Variants in CPNE1 observed in about 807,000 individuals in gnomAD.
The protein encoded by CPNE1 is copine-1.
CPNE1 carries 58 observed loss-of-function variants against 63.2 expected under a neutral mutation model. That is an observed-to-expected ratio of 0.92 (90% CI 0.74 to 1.14). CPNE1 has a LOEUF of 1.14. Ranked by LOEUF, CPNE1 falls within the 50% of genes most tolerant of loss-of-function variation. CPNE1 has a pLI of 0.00. For synonymous variants in CPNE1, 237 were observed against 249.0 expected (o/e 0.95, Z 0.45); for missense variants, 672 against 661.7 (o/e 1.02, Z -0.17).
In CPNE1 at chr20:35,631,001, G is replaced by A. The variant is rs758874748; in HGVS notation, c.895C>T (p.Pro299Ser). ...TAGTGTAGGGAGTCAGGTGAGGAGGGGTCTCCATTGGAGCCAGTGAAGTCC... is the reference window on the plus strand; with the variant it reads ...TAGTGTAGGGAGTCAGGTGAGGAGGAGTCTCCATTGGAGCCAGTGAAGTCC... ...GVDFTGSNGD[P>S]SSPDSLHYLS... is the part of the protein sequence containing the mutation. Residue 299 changes from proline to serine, a missense_variant, in exon 11 of 16, where the codon CCC becomes TCC. Physicochemically the swap from Pro to Ser is moderately conservative, Grantham distance 74 (BLOSUM62 -1). Transcript: ENST00000397443. 6 of 1,613,736 alleles carry A rather than the reference G, an allele frequency of 3.7e-6. No individual in the cohort carries two copies. The highest frequency in any genetic ancestry group is 5.1e-6 in the Non-Finnish European group (6 of 1,179,954).
At chr20:35,662,458 C>T (rs2034284417) in intron 1 of CPNE1, among the ~76,000 whole-genome samples, 1 of 152,126 alleles carries the variant, frequency 6.6e-6, no homozygotes, top group Non-Finnish European at 1.5e-5. Flanking sequence ...TAGTTGAAAA[C>T]ATTTAACAAT....
At chr20:35,626,964 G>GA in intron 14 of CPNE1, 161 bp from the exon 15 acceptor site, 1 of 679,206 alleles carries the variant, frequency 1.5e-6, no homozygotes, top group Non-Finnish European at 2.6e-6. Context: ...AAGGCAGGCG[G>GA]ATCACTTGAG....
rs1157959998 is a variant in CPNE1, at chr20:35,632,906, G to C, written c.18C>G (p.Thr6=). 1.1e-6 allele frequency: 1 copy of C among 872,596 alleles called. No homozygotes were observed. Among genetic ancestry groups the C allele is most frequent in the Non-Finnish European group, 2.0e-6 (1 of 501,516 alleles). 54.1% of individuals were successfully genotyped at this position (872,596 alleles called of 1,614,324 possible). ...CACAGGAAATGGACAGCTGAACCAA[G>C]GTCACGCAGTGGGCCATCTGAGGGA... is the stretch of plus-strand genomic sequence containing the variant. MAHCV[T]LVQLSISCDH... Residue 6 remains threonine (T), a synonymous_variant, in exon 2 of 16, where the codon ACC becomes ACG. Transcript: ENST00000397443.
At chr20:35,654,816 T>C in intron 1 of CPNE1, 1 of 1,614,228 alleles carries the variant, frequency 6.2e-7, no homozygotes. Flanking sequence ...AGCTAAACGT[T>C]GGGCTCCCAA....
intron 1 of CPNE1, chr20:35,655,138 C>A: frequency 6.2e-7 from 1 of 1,614,160 alleles, no homozygotes; most frequent in Non-Finnish European, 8.5e-7. Flanking sequence ...TTTAATTGTA[C>A]CACCTGTGCG....
At chr20:35,642,416 CCT>C (rs1299289811) in intron 1 of CPNE1, among the ~76,000 whole-genome samples, 5 of 152,324 alleles carry the variant, frequency 3.3e-5, no homozygotes, top group Admixed American at 6.5e-5. Flanking sequence ...TGCTCACACT[CCT>C]ATTGCCTACC....
chr20:35,630,680 A>G, intron 12 of CPNE1, 61 bp downstream of exon 12: 2 of 1,585,640 alleles, frequency 1.3e-6, no homozygotes, highest in Non-Finnish European at 1.7e-6. Context: ...AATTTACCAC[A>G]TCCCCCAAAA....
At chr20:35,630,871 C>G in intron 11 of CPNE1, 30 bp downstream of exon 11, 7 of 1,601,578 alleles carry the variant, frequency 4.4e-6, no homozygotes, top group Non-Finnish European at 6.0e-6. Flanking sequence ...CTGCAGGGAG[C>G]GGGTATAGCC....
intron 1 of CPNE1, among the ~76,000 whole-genome samples, chr20:35,662,191 T>C (rs188861582): frequency 1.7e-3 from 259 of 152,326 alleles, no homozygotes; most frequent in African/African-American, 6.0e-3. Context: ...CAGAAGACAT[T>C]TCTAAATAAG....
At chr20:35,644,566 A>G (rs116921952) in intron 1 of CPNE1, among the ~76,000 whole-genome samples, 35 of 152,314 alleles carry the variant, frequency 2.3e-4, no homozygotes, top group Admixed American at 5.2e-4. Flanking sequence ...CCATACTGTA[A>G]AAGAAACACT....
chr20:35,646,286 A>G (rs1302115527), intron 1 of CPNE1, among the ~76,000 whole-genome samples: 1 of 151,272 alleles, frequency 6.6e-6, no homozygotes, highest in African/African-American at 2.4e-5. Context: ...AAAGAAACAA[A>G]AAAACTATTT....
At chr20:35,632,752 C>T (rs538111952) in intron 2 of CPNE1, 43 bp downstream of exon 2, 1 of 872,996 alleles carries the variant, frequency 1.1e-6, no homozygotes, top group South Asian at 1.3e-5. Flanking sequence ...AAAACACAAT[C>T]CTAGCCTCCC....
At chr20:35,629,879 A>G (rs1440859381) in intron 13 of CPNE1, among the ~76,000 whole-genome samples, 4 of 152,050 alleles carry the variant, frequency 2.6e-5, no homozygotes, top group Non-Finnish European at 5.9e-5. Flanking sequence ...AGCTAGTCTC[A>G]AATTCCTGGG....
At chr20:35,627,011 A>G (rs1199945551) in intron 14 of CPNE1, among the ~76,000 whole-genome samples, 4 of 151,862 alleles carry the variant, frequency 2.6e-5, no homozygotes, top group African/African-American at 7.3e-5. Context: ...AACATGGTGA[A>G]AGCCCGTCTC....
Position 35,630,811 on chromosome 20 carries a change from G to A in CPNE1, c.996-16C>T, listed in dbSNP as rs1027445284. 2 of 1,611,886 alleles carry A rather than the reference G, an allele frequency of 1.2e-6. No individual in the cohort carries two copies. The highest frequency in any genetic ancestry group is 1.7e-6 in the Non-Finnish European group (2 of 1,179,088). On this transcript the variant is annotated splice_polypyrimidine_tract_variant and intron_variant, in intron 11 of 15. Coordinates refer to ENST00000397443, the MANE Select transcript of CPNE1 (RefSeq NM_152925.3). ...CAGCTTGTCTCTGTGGGAGGACAGT[G>A]TATTGGGCAAAAGGCAGTGAGGGGA...
chr20:35,629,004 A>G (rs930017383), intron 13 of CPNE1, among the ~76,000 whole-genome samples: 5 of 152,238 alleles, frequency 3.3e-5, no homozygotes, highest in African/African-American at 1.2e-4. Context: ...ATGTGTGTAC[A>G]TACATAAACA....
intron 1 of CPNE1, among the ~76,000 whole-genome samples, chr20:35,660,551 C>A (rs2034177798): frequency 6.6e-6 from 1 of 152,118 alleles, no homozygotes; most frequent in South Asian, 2.1e-4. Context: ...TTTAAAAATT[C>A]TTCATTTGAA....
Position 35,632,312 on chromosome 20 carries a change from G to GT in CPNE1, c.382dup (p.Thr128AsnfsTer24). On this transcript the variant is annotated frameshift_variant and splice_region_variant, in exon 4 of 16. Transcript: ENST00000397443. LOFTEE classifies it high-confidence loss of function. ...CTCAACCCTTGCTGGGTTCCTTACC[G>GT]TGATGGTCCCCCGCCCAGCAGGTTT... The GT allele has an allele frequency of 6.2e-7, 1 of 1,613,940 alleles. No individual in the cohort carries two copies. The highest frequency in any genetic ancestry group is 1.7e-5 in the Admixed American group (1 of 60,006).
In CPNE1 at chr20:35,657,939, G is replaced by C. The variant is rs182999881; in HGVS notation, c.-1+6821C>G. ...TAGCTGGGCATGGTGGCAGGTGCCT[G>C]TAATCCCAGCTACTAGGGAGGCTGA... On this transcript the variant is annotated intron_variant, in intron 1 of 15. Coordinates refer to ENST00000397443, the MANE Select transcript of CPNE1 (RefSeq NM_152925.3). Among the ~76,000 whole-genome samples, 249 of 152,196 alleles carry C rather than the reference G, an allele frequency of 1.6e-3. 1 individual carries two copies. Among genetic ancestry groups the C allele is most frequent in the African/African-American group, 5.8e-3 (242 of 41,546 alleles).
Sources: gnomAD v4.1 joint callset for allele counts (sites outside exome capture counted in the v4.1 genomes callset) on GRCh38, gnomAD v4.1.1 for gene constraint, MANE v1.5 for transcripts, NCBI Gene and HGNC (gene_info 2026-07-23, HGNC 2026-07-21) for gene names.